MARCHF1: variants seen among roughly 807,000 people sequenced by gnomAD.
MARCHF1 encodes membrane associated ring-CH-type finger 1.
In MARCHF1, 40 loss-of-function variants were observed where a neutral mutation model predicts 54.2. The ratio of observed to expected loss-of-function variants is 0.74; its 90% CI spans 0.57 to 0.96. MARCHF1 has a LOEUF of 0.96. Among genes scored for constraint, MARCHF1 ranks in the 40% least tolerant of loss-of-function variants. The pLI is 0.00. For missense variants in MARCHF1, 586 were observed against 656.5 expected, an observed-to-expected ratio of 0.89 and a Z score of 1.17; for synonymous variants, 236 against 236.3, an observed-to-expected ratio of 1.00 and a Z score of 0.01.
chr4:163,815,368 G>T (rs1342623434), intron 4 of MARCHF1, among the ~76,000 whole-genome samples: 11 of 152,154 alleles, frequency 7.2e-5, no homozygotes, highest in Admixed American at 7.2e-4. Flanking sequence ...ACATTTTCTG[G>T]TTGATAAAGA....
intron 7 of MARCHF1, among the ~76,000 whole-genome samples, chr4:163,600,840 A>C (rs780508025): frequency 2.6e-5 from 4 of 152,168 alleles, no homozygotes; most frequent in Non-Finnish European, 4.4e-5. Flanking sequence ...GAAAGAAGGA[A>C]GTTCTCAGTT....
At chr4:164,300,473 C>A (rs1734527542) in intron 1 of MARCHF1, among the ~76,000 whole-genome samples, 1 of 152,124 alleles carries the variant, frequency 6.6e-6, no homozygotes, top group African/African-American at 2.4e-5. Flanking sequence ...ACATTTTGAA[C>A]AATTTCTACC....
chr4:163,631,583 T>C (rs190652452), intron 5 of MARCHF1, among the ~76,000 whole-genome samples: 2 of 148,144 alleles, frequency 1.4e-5, no homozygotes, highest in Admixed American at 1.4e-4. Context: ...AGAAAACCTA[T>C]CTGTATACCT....
intron 1 of MARCHF1, among the ~76,000 whole-genome samples, chr4:164,250,155 T>A (rs1579660361): frequency 6.6e-6 from 1 of 152,058 alleles, no homozygotes; most frequent in African/African-American, 2.4e-5. Flanking sequence ...TGATTGGAGC[T>A]CCATAAACAG....
chr4:163,950,389 C>T (rs1752111424), intron 3 of MARCHF1, among the ~76,000 whole-genome samples: 1 of 152,208 alleles, frequency 6.6e-6, no homozygotes, highest in African/African-American at 2.4e-5. Context: ...CCGGACTGTG[C>T]CACAAATTTG....
At chr4:163,673,182 C>A (rs1579182020) in intron 5 of MARCHF1, among the ~76,000 whole-genome samples, 1 of 152,170 alleles carries the variant, frequency 6.6e-6, no homozygotes, top group Non-Finnish European at 1.5e-5. Context: ...TTCATGTACT[C>A]CATTATTTCT....
intron 2 of MARCHF1, among the ~76,000 whole-genome samples, chr4:164,057,160 A>C (rs1754511450): frequency 6.6e-6 from 1 of 152,232 alleles, no homozygotes; most frequent in Non-Finnish European, 1.5e-5. Context: ...TTATATTTTC[A>C]CACTGCAGAA....
At chr4:164,149,584 C>A (rs1420227589) in intron 1 of MARCHF1, among the ~76,000 whole-genome samples, 2 of 152,212 alleles carry the variant, frequency 1.3e-5, no homozygotes, top group East Asian at 3.9e-4. Context: ...TAAACGTTGT[C>A]TTTGTTTTCC....
In MARCHF1 at chr4:163,821,874, T is replaced by G. The variant is rs150141672; in HGVS notation, c.111+32147A>C. 9.9e-5 allele frequency among the ~76,000 whole-genome samples: 15 copies of G among 151,796 alleles called. No homozygotes were observed. The East Asian group carries it at 2.7e-3, about 27-fold the overall frequency. On this transcript the variant is annotated intron_variant, in intron 4 of 9. Coordinates refer to ENST00000514618, the MANE Select transcript of MARCHF1 (RefSeq NM_001394959.1). ...CACTTCCATGGGAAAATACTATCTG[T>G]GGATTTGGTGTCACAAAACACAAAC...
At chr4:164,298,189 C>G (rs538991886) in intron 1 of MARCHF1, among the ~76,000 whole-genome samples, 1 of 152,202 alleles carries the variant, frequency 6.6e-6, no homozygotes, top group South Asian at 2.1e-4. Flanking sequence ...AAACTGCCCA[C>G]TACTAAATAG....
At chr4:163,878,377 T>G (rs1750340062) in intron 3 of MARCHF1, among the ~76,000 whole-genome samples, 1 of 152,200 alleles carries the variant, frequency 6.6e-6, no homozygotes, top group Non-Finnish European at 1.5e-5. Context: ...ACTGAATCTG[T>G]GCCCAGCTAG....
At chr4:164,169,901 T>C (rs1730478693) in intron 1 of MARCHF1, among the ~76,000 whole-genome samples, 1 of 152,096 alleles carries the variant, frequency 6.6e-6, no homozygotes, top group Non-Finnish European at 1.5e-5. Context: ...ATCCACTTGG[T>C]GAATTAAAAA....
At chr4:163,720,240 A>C (rs937260402) in intron 4 of MARCHF1, among the ~76,000 whole-genome samples, 2 of 152,224 alleles carry the variant, frequency 1.3e-5, no homozygotes, top group Admixed American at 1.3e-4. Flanking sequence ...TCAGCTTTCT[A>C]CATATGGCTA....
chr4:164,172,855 C>T (rs1730563864), intron 1 of MARCHF1, among the ~76,000 whole-genome samples: 2 of 152,014 alleles, frequency 1.3e-5, no homozygotes, highest in South Asian at 4.1e-4. Flanking sequence ...GTGGCGGGGG[C>T]CTGTAGTCCC....
intron 1 of MARCHF1, among the ~76,000 whole-genome samples, chr4:164,329,774 C>T (rs1225852874): frequency 1.3e-5 from 2 of 152,072 alleles, no homozygotes; most frequent in Non-Finnish European, 2.9e-5. Flanking sequence ...TTTTAAATGA[C>T]CAGATCTCAC....
At chr4:163,800,714 T>C (rs1002786325) in intron 4 of MARCHF1, among the ~76,000 whole-genome samples, 2 of 152,134 alleles carry the variant, frequency 1.3e-5, no homozygotes, top group African/African-American at 4.8e-5. Context: ...TGTCACACTT[T>C]ACTTTTCAAA....
intron 3 of MARCHF1, among the ~76,000 whole-genome samples, chr4:163,976,435 A>T (rs1018112909): frequency 9.9e-5 from 15 of 152,196 alleles, no homozygotes; most frequent in Non-Finnish European, 1.9e-4. Context: ...CAAAAGAAGA[A>T]ATATAAATAA....
At chr4:163,750,415 G>A (rs1746486596) in intron 4 of MARCHF1, among the ~76,000 whole-genome samples, 1 of 151,668 alleles carries the variant, frequency 6.6e-6, no homozygotes, top group Admixed American at 6.6e-5. Context: ...GGAGGCTGGG[G>A]CAGGAGAATC....
In MARCHF1 at chr4:164,238,869, G is replaced by A. The variant is rs1337047266; in HGVS notation, c.-322-127207C>T. On this transcript the variant is annotated intron_variant, in intron 1 of 9. Coordinates refer to ENST00000514618, the MANE Select transcript of MARCHF1 (RefSeq NM_001394959.1). Reference sequence around the variant, plus strand: ...TGAAACTATTTTTAAAATGTCTTATGTATTTCTATAATTTCTTATGAATAG... The same window carrying A: ...TGAAACTATTTTTAAAATGTCTTATATATTTCTATAATTTCTTATGAATAG... 2.0e-5 allele frequency among the ~76,000 whole-genome samples: 3 copies of A among 151,808 alleles called. No homozygotes were observed. In the East Asian group the frequency reaches 5.8e-4, roughly 29 times the overall value.
Sources: gnomAD v4.1 joint callset for allele counts (sites outside exome capture counted in the v4.1 genomes callset) on GRCh38, gnomAD v4.1.1 for gene constraint, MANE v1.5 for transcripts, NCBI Gene and HGNC (gene_info 2026-07-23, HGNC 2026-07-21) for gene names.